The following SSUH2 variants were observed in gnomAD, a reference collection of about 807,000 sequenced individuals.
SSUH2 encodes the protein protein SSUH2 homolog.
A neutral mutation model predicts 55.3 loss-of-function variants in SSUH2; 47 were observed. The ratio of observed to expected loss-of-function variants is 0.85; its 90% CI spans 0.67 to 1.08. SSUH2 has a LOEUF of 1.08. Among genes scored for constraint, SSUH2 ranks in the 50% least tolerant of loss-of-function variants. The pLI, the probability that SSUH2 is intolerant of heterozygous loss-of-function variation, is 0.00. For synonymous variants in SSUH2, 212 were observed against 191.5 expected, an observed-to-expected ratio of 1.11 and a Z score of -0.89; for missense variants, 535 against 490.7, an observed-to-expected ratio of 1.09 and a Z score of -0.85.
At chr3:8,646,130 G>T (rs564129682), upstream of SSUH2, among the ~76,000 whole-genome samples, 40 of 152,272 alleles carry the variant, frequency 2.6e-4, no homozygotes, top group South Asian at 8.3e-3. Flanking sequence ...GGTAAATGGG[G>T]TTATCATGAA....
Position 8,635,198 on chromosome 3 carries a change from G to A in SSUH2, c.209+102C>T, listed in dbSNP as rs142205247. On this transcript the variant is annotated intron_variant, in intron 3 of 11. Transcript: ENST00000544814. Reference sequence around the variant, plus strand: ...GTGCAGTAGGTCTGGGGTGCAGACGGCCCCCTCCAGGGATCCTGATGCACT... The same window carrying A: ...GTGCAGTAGGTCTGGGGTGCAGACGACCCCCTCCAGGGATCCTGATGCACT... The A allele has an allele frequency of 7.9e-4, 757 of 962,326 alleles. 4 individuals are homozygous for A. The African/African-American group carries it at 0.011, about 13-fold the overall frequency. The allele number at this position is 962,326 out of a possible 1,614,324, so 59.6% of individuals were successfully genotyped here. A position where few individuals can be genotyped will look rare whatever the true frequency, so the allele number is the denominator to read the frequency against.
upstream of SSUH2, among the ~76,000 whole-genome samples, chr3:8,649,011 C>T (rs1452694833): frequency 6.6e-6 from 1 of 152,120 alleles, no homozygotes; most frequent in Non-Finnish European, 1.5e-5. Context: ...CACCCTGGGC[C>T]TTCATTCAGG....
At chr3:8,629,805 G>A (rs1698404238) in intron 6 of SSUH2, 79 bp from the exon 7 acceptor site, 14 of 1,397,614 alleles carry the variant, frequency 1.0e-5, no homozygotes, top group East Asian at 4.6e-5. Context: ...CATCTAAACC[G>A]AAGGTGGAGT....
At chr3:8,627,891 G>T in intron 7 of SSUH2, 108 bp from the exon 8 acceptor site, 1 of 857,304 alleles carries the variant, frequency 1.2e-6, no homozygotes. Flanking sequence ...CTCCCCCTGG[G>T]CCTTAGCCCC....
rs772270942 is a variant in SSUH2, at chr3:8,635,307, C to G, written c.202G>C (p.Glu68Gln). 16 of 1,535,240 alleles carry G rather than the reference C, an allele frequency of 1.0e-5. No individual in the cohort carries two copies. Among genetic ancestry groups the G allele is most frequent in the Non-Finnish European group, 1.4e-5 (16 of 1,146,400 alleles). The change falls in exon 3 of 12, where the codon GAA (glutamate) becomes CAA (glutamine). Residue 68 changes from glutamate to glutamine, a missense_variant. Transcript: ENST00000544814. ...GTACAACCTGAAACTCACCTGTGTT[C>G]CAGGAACGAGGGCCAGGACCTTTGC... The part of the protein sequence containing the change: ...QEQRSWPSFL[E>Q]HRVPAMTEEV...
chr3:8,679,429 A>C (rs528289913), intron 2 of SSUH2, among the ~76,000 whole-genome samples: 69 of 99,914 alleles, frequency 6.9e-4, no homozygotes, highest in East Asian at 1.2e-3. Flanking sequence ...CCTGGCTCTT[A>C]GGACCCCCAT....
chr3:8,624,620 A>T (rs1697147053), intron 10 of SSUH2, among the ~76,000 whole-genome samples: 1 of 152,252 alleles, frequency 6.6e-6, no homozygotes, highest in African/African-American at 2.4e-5. Flanking sequence ...TTTTCTGCTA[A>T]GAACCAAATA....
intron 1 of SSUH2, among the ~76,000 whole-genome samples, chr3:8,638,035 G>A (rs1396045092): frequency 1.3e-5 from 2 of 152,140 alleles, no homozygotes; most frequent in African/African-American, 2.4e-5. Context: ...TTTGGCCCTC[G>A]GAGTCACGTT....
At chr3:8,664,614 T>C (rs1278193243) in intron 5 of SSUH2, among the ~76,000 whole-genome samples, 2 of 152,144 alleles carry the variant, frequency 1.3e-5, no homozygotes, top group Non-Finnish European at 2.9e-5. Context: ...GAAAAGATCT[T>C]CAGAAGCTAT....
In SSUH2 at chr3:8,677,956, G is replaced by C. The variant is rs144386220; in HGVS notation, c.-900-603C>G. On this transcript the variant is annotated intron_variant, in intron 2 of 18. Transcript: ENST00000317371. Reference sequence around the variant, plus strand: ...ACGGATGTACACCCGTCTGTACTGGGAGTAATATCATCCTCTTCCTCCCTG... The same window carrying C: ...ACGGATGTACACCCGTCTGTACTGGCAGTAATATCATCCTCTTCCTCCCTG... Among the ~76,000 whole-genome samples, 432 of 151,134 alleles carry C rather than the reference G, an allele frequency of 2.9e-3. 29 individuals carry two copies. In the East Asian group the frequency reaches 0.046, roughly 16 times the overall value.
At chr3:8,631,901 C>T in intron 5 of SSUH2, 148 bp downstream of exon 5, 2 of 631,126 alleles carry the variant, frequency 3.2e-6, no homozygotes, top group African/African-American at 1.8e-5. Context: ...AAAGTCCATC[C>T]TCTCATTTTG....
At chr3:8,676,029 T>A (rs201711009) in intron 3 of SSUH2, among the ~76,000 whole-genome samples, 1 of 152,058 alleles carries the variant, frequency 6.6e-6, no homozygotes, top group Non-Finnish European at 1.5e-5. Flanking sequence ...GAGAAGCAAA[T>A]AAGCTGACTC....
chr3:8,620,663 A>C (rs190951134), intron 11 of SSUH2, among the ~76,000 whole-genome samples: 83 of 152,282 alleles, frequency 5.5e-4, no homozygotes, highest in South Asian at 1.9e-3. Context: ...TCCCCAGGGG[A>C]GTTCCAGGGT....
chr3:8,665,805 C>T (rs1703939740), intron 5 of SSUH2, among the ~76,000 whole-genome samples: 1 of 152,156 alleles, frequency 6.6e-6, no homozygotes, highest in Non-Finnish European at 1.5e-5. Flanking sequence ...ATTTTAGTCA[C>T]AAGGTCTCAA....
chr3:8,625,052 C>A (rs187623366), intron 10 of SSUH2, among the ~76,000 whole-genome samples: 11 of 152,122 alleles, frequency 7.2e-5, no homozygotes, highest in Non-Finnish European at 1.5e-4. Flanking sequence ...TTTCTCAGTG[C>A]CCCTTCACCA....
rs148547403 is a variant in SSUH2, at chr3:8,629,168, G to T, written c.588+496C>A. 1,114 of 155,270 alleles carry T rather than the reference G, an allele frequency of 7.2e-3. 9 individuals are homozygous for T. The highest frequency in any genetic ancestry group is 0.024 in the African/African-American group (1,006 of 41,662). 9.6% of individuals were successfully genotyped at this position (155,270 alleles called of 1,614,324 possible). ...GCCACCACGCCCAGCTGTGTCTGTT[G>T]TTTTAAGCCACCCATTGGTGGTCAT... On this transcript the variant is annotated intron_variant, in intron 7 of 11. Coordinates refer to ENST00000544814, the MANE Select transcript of SSUH2 (RefSeq NM_001256748.3).
rs117713861 is a variant in SSUH2, at chr3:8,679,578, C to G, written c.-901+127G>C. ...ACTGAGAGCCAGCCTCTCTTCCCCC[C>G]CTGGCTCTTGGGACCCCCATCGAAG... On this transcript the variant is annotated intron_variant, in intron 2 of 18. Transcript: ENST00000317371. 4.0e-3 allele frequency: 642 copies of G among 160,804 alleles called. 21 individuals are homozygous for G. In the East Asian group the frequency reaches 0.073, roughly 18 times the overall value. 10.0% of individuals were successfully genotyped at this position (160,804 alleles called of 1,614,324 possible).
In SSUH2 at chr3:8,644,788, G is replaced by T; in HGVS notation, c.-30C>A. The T allele has an allele frequency of 6.5e-7, 1 of 1,535,486 alleles. No homozygotes were observed. Among genetic ancestry groups the T allele is most frequent in the Non-Finnish European group, 8.7e-7 (1 of 1,146,358 alleles). The stretch of plus-strand genomic sequence containing the variant: ...CAGACGTCCTGCCAAAGAGATGTCT[G>T]CCCTTCGAGTGTGCTTGGACCGATG... On this transcript the variant is annotated 5_prime_UTR_variant, in exon 1 of 12. Transcript: ENST00000544814.
chr3:8,649,517 T>C (rs1702141423), upstream of SSUH2, among the ~76,000 whole-genome samples: 3 of 152,078 alleles, frequency 2.0e-5, no homozygotes, highest in Admixed American at 2.0e-4. Context: ...AACTCCTGAC[T>C]CCTCTATCTG....
Sources: allele counts gnomAD v4.1 joint callset (sites outside exome capture counted in the v4.1 genomes callset), GRCh38; gene constraint gnomAD v4.1.1; transcripts MANE v1.5; gene names NCBI Gene and HGNC (gene_info 2026-07-23, HGNC 2026-07-21).